DHRS9: variants seen among roughly 807,000 people sequenced by gnomAD.
DHRS9 encodes the protein dehydrogenase/reductase SDR family member 9.
Under a neutral mutation model 26.6 loss-of-function variants are expected in DHRS9, and 18 were observed. The ratio of observed to expected loss-of-function variants is 0.68; its 90% CI spans 0.47 to 1.00. The LOEUF is 1.00. Among genes scored for constraint, DHRS9 ranks in the 50% least tolerant of loss-of-function variants. The pLI is 0.00. For synonymous variants in DHRS9, 134 were observed against 141.1 expected (o/e 0.95, Z 0.36); for missense variants, 425 against 378.7 (o/e 1.12, Z -1.01).
chr2:169,093,320 C>T lies in DHRS9; in HGVS notation c.736+1367C>T, dbSNP rs115455517. Among the ~76,000 whole-genome samples, 1,187 of 147,402 alleles carry T rather than the reference C, an allele frequency of 8.1e-3. 20 individuals carry two copies. Among genetic ancestry groups the T allele is most frequent in the African/African-American group, 0.029 (1,124 of 38,130 alleles). The stretch of plus-strand genomic sequence containing the variant: ...TTAAAATGACTGACTCCTCCAACCA[C>T]CATTACCCTAAACACACACACACGC... On this transcript the variant is annotated intron_variant, in intron 4 of 4. Coordinates refer to ENST00000674881, the MANE Select transcript of DHRS9 (RefSeq NM_001376924.1).
At chr2:169,080,049 G>GA (rs3834151) in intron 1 of DHRS9, among the ~76,000 whole-genome samples, 1 of 138,004 alleles carries the variant, frequency 7.2e-6, no homozygotes, top group Non-Finnish European at 1.6e-5. Flanking sequence ...AAGAAAGAAA[G>GA]AAAATAAAGT....
intron 1 of DHRS9, among the ~76,000 whole-genome samples, chr2:169,076,198 CTGAT>C (rs1361976016): frequency 6.6e-6 from 1 of 152,128 alleles, no homozygotes; most frequent in Non-Finnish European, 1.5e-5. Context: ...GAATTCATAT[CTGAT>C]TTAATGAGTT....
chr2:169,086,715 C>T (rs1434345599), intron 3 of DHRS9, among the ~76,000 whole-genome samples: 1 of 152,186 alleles, frequency 6.6e-6, no homozygotes, highest in Non-Finnish European at 1.5e-5. Context: ...CATTAGGGGG[C>T]AACCCAAGCC....
intron 1 of DHRS9, chr2:169,070,910 A>G: frequency 4.2e-6 from 1 of 238,006 alleles, no homozygotes; most frequent in Non-Finnish European, 6.8e-6. Context: ...TAAAAATACA[A>G]AAAATTAGCT....
chr2:169,094,115 A>G (rs1684621308), intron 4 of DHRS9, among the ~76,000 whole-genome samples: 1 of 152,190 alleles, frequency 6.6e-6, no homozygotes, highest in South Asian at 2.1e-4. Flanking sequence ...GTCTTTTGAT[A>G]GTAGCCATTC....
At position 169,095,673 on chromosome 2, in the gene DHRS9, T is replaced by G; in HGVS notation, c.866T>G (p.Ile289Ser). ...THYAAGKDAK[I>S]FWIPLSHMPA... is the part of the protein sequence containing the mutation. The stretch of plus-strand genomic sequence containing the variant: ...TATGCCGCTGGAAAAGATGCCAAAA[T>G]TTTCTGGATACCTCTGTCTCACATG... The change falls in exon 5 of 5, where the codon ATT (isoleucine) becomes AGT (serine). Residue 289 changes from isoleucine (I) to serine (S), a missense_variant. Coordinates refer to ENST00000674881, the MANE Select transcript of DHRS9 (RefSeq NM_001376924.1). 1 of 1,613,956 alleles carries G rather than the reference T, an allele frequency of 6.2e-7. No individual in the cohort carries two copies. Among genetic ancestry groups the G allele is most frequent in the Non-Finnish European group, 8.5e-7 (1 of 1,179,896 alleles).
At chr2:169,078,144 T>C (rs958153794) in intron 1 of DHRS9, among the ~76,000 whole-genome samples, 1 of 152,214 alleles carries the variant, frequency 6.6e-6, no homozygotes, top group African/African-American at 2.4e-5. Context: ...GCAAATCACT[T>C]TGTTGCTTTG....
intron 3 of DHRS9, among the ~76,000 whole-genome samples, chr2:169,086,079 T>A (rs1481430854): frequency 6.6e-6 from 1 of 151,164 alleles, no homozygotes; most frequent in African/African-American, 2.4e-5. Flanking sequence ...TTCTACCCCA[T>A]CTCTCTCTCT....
At chr2:169,074,218 T>G in intron 1 of DHRS9, 1 of 953,368 alleles carries the variant, frequency 1.0e-6, no homozygotes, top group South Asian at 4.9e-5. Flanking sequence ...CTTCACCCAG[T>G]ACTCTCCAAG....
At chr2:169,073,400 TACA>T (rs1433962739) in intron 1 of DHRS9, among the ~76,000 whole-genome samples, 1 of 152,240 alleles carries the variant, frequency 6.6e-6, no homozygotes, top group Non-Finnish European at 1.5e-5. Flanking sequence ...GGAAACGGCC[TACA>T]ACATGTTAGG....
rs1034861212 is a variant in DHRS9, at chr2:169,073,135, A to G, written c.-60+3418A>G. Reference sequence around the variant, plus strand: ...CTTTTTTCCTTCTTTGCTGTACAACATTTACTAAACATCAACATAATGCCA... The same window carrying G: ...CTTTTTTCCTTCTTTGCTGTACAACGTTTACTAAACATCAACATAATGCCA... On this transcript the variant is annotated intron_variant, in intron 1 of 4. Transcript: ENST00000674881. 2.0e-5 allele frequency among the ~76,000 whole-genome samples: 3 copies of G among 152,180 alleles called. No homozygotes were observed. In the South Asian group the frequency reaches 6.2e-4, roughly 32 times the overall value.
At chr2:169,068,309 ATTTCAG>A (rs888972878), upstream of DHRS9, among the ~76,000 whole-genome samples, 2 of 152,136 alleles carry the variant, frequency 1.3e-5, no homozygotes, top group Non-Finnish European at 2.9e-5. Flanking sequence ...ACCTGAGTAA[ATTTCAG>A]TTTGTTTGTT....
chr2:169,078,352 A>G (rs1415721323), intron 1 of DHRS9, among the ~76,000 whole-genome samples: 2 of 152,162 alleles, frequency 1.3e-5, no homozygotes, highest in Non-Finnish European at 2.9e-5. Flanking sequence ...GAGAACATAA[A>G]ACCCCACAAA....
At chr2:169,090,766 A>G (rs1415293426) in intron 3 of DHRS9, among the ~76,000 whole-genome samples, 1 of 152,196 alleles carries the variant, frequency 6.6e-6, no homozygotes, top group African/African-American at 2.4e-5. Context: ...TGACTTTTCA[A>G]CTTTACAATG....
intron 3 of DHRS9, among the ~76,000 whole-genome samples, chr2:169,089,302 G>A (rs781692831): frequency 6.6e-6 from 1 of 152,124 alleles, no homozygotes; most frequent in Non-Finnish European, 1.5e-5. Context: ...AACCAGTGTT[G>A]ACACCACAGG....
At chr2:169,074,477 G>A in intron 1 of DHRS9, 1 of 984,732 alleles carries the variant, frequency 1.0e-6, no homozygotes, top group Non-Finnish European at 1.2e-6. Flanking sequence ...GTCAGTTCCT[G>A]GAGTTTCTGA....
chr2:169,093,445 AG>A lies in DHRS9; in HGVS notation c.736+1494del, dbSNP rs548550037. Among the ~76,000 whole-genome samples, 713 of 152,248 alleles carry A rather than the reference AG, an allele frequency of 4.7e-3. 2 individuals carry two copies. Among genetic ancestry groups the A allele is most frequent in the Middle Eastern group, 6.8e-3 (2 of 294 alleles). ...CATCTTAGTGCTGACATGCCACTATAGGTTTAGAGCCACTGCCATCAAATAC... is the reference window on the plus strand; with the variant it reads ...CATCTTAGTGCTGACATGCCACTATAGTTTAGAGCCACTGCCATCAAATAC... On this transcript the variant is annotated intron_variant, in intron 4 of 4. Transcript: ENST00000674881.
At chr2:169,084,507 G>A (rs1193541830) in intron 3 of DHRS9, among the ~76,000 whole-genome samples, 1 of 151,972 alleles carries the variant, frequency 6.6e-6, no homozygotes, top group Admixed American at 6.6e-5. Context: ...ATTTGTTATT[G>A]CCTGTCTTTT....
At chr2:169,081,434 T>C (rs1490293726) in intron 1 of DHRS9, 89 bp from the exon 2 acceptor site, 2 of 1,389,288 alleles carry the variant, frequency 1.4e-6, no homozygotes, top group Admixed American at 6.0e-5. Context: ...TCCACACTAA[T>C]GCATTAAAAT....
Sources: allele counts gnomAD v4.1 joint callset (sites outside exome capture counted in the v4.1 genomes callset), GRCh38; gene constraint gnomAD v4.1.1; transcripts MANE v1.5; gene names NCBI Gene and HGNC (gene_info 2026-07-23, HGNC 2026-07-21).